The following CLDN10 variants were observed in gnomAD, a reference collection of about 807,000 sequenced individuals.
CLDN10 encodes claudin-10.
In CLDN10, 15 loss-of-function variants were observed where a neutral mutation model predicts 22.9. The ratio of observed to expected loss-of-function variants is 0.65; its 90% CI spans 0.44 to 1.01. The LOEUF is 1.01. Ranked by LOEUF, CLDN10 falls within the 50% of genes least tolerant of loss-of-function variation. CLDN10 has a pLI of 0.00. For synonymous variants in CLDN10, 114 were observed against 111.4 expected, an observed-to-expected ratio of 1.02 and a Z score of -0.15; for missense variants, 247 against 287.8, an observed-to-expected ratio of 0.86 and a Z score of 1.03.
chr13:95,435,258 A>C (rs914864924), intron 1 of CLDN10, among the ~76,000 whole-genome samples: 40 of 152,326 alleles, frequency 2.6e-4, no homozygotes, highest in African/African-American at 8.9e-4. Context: ...TTACTTTAAA[A>C]ATTGCTCTTT....
intron 1 of CLDN10, among the ~76,000 whole-genome samples, chr13:95,470,033 T>G (rs2042615519): frequency 6.6e-6 from 1 of 152,192 alleles, no homozygotes; most frequent in African/African-American, 2.4e-5. Flanking sequence ...TGTTCATGTA[T>G]CTCATTCAAT....
intron 1 of CLDN10, among the ~76,000 whole-genome samples, chr13:95,535,828 G>A (rs545235657): frequency 6.6e-6 from 1 of 152,290 alleles, no homozygotes; most frequent in South Asian, 2.1e-4. Flanking sequence ...AACAGGCAGA[G>A]AAATCTAGGC....
At chr13:95,576,139 G>C (rs1447874608) in intron 3 of CLDN10, among the ~76,000 whole-genome samples, 2 of 152,182 alleles carry the variant, frequency 1.3e-5, no homozygotes, top group Non-Finnish European at 2.9e-5. Flanking sequence ...AACCCAGGCA[G>C]CACTGGGTGG....
chr13:95,452,584 G>A (rs1319993211), intron 1 of CLDN10, among the ~76,000 whole-genome samples: 1 of 152,148 alleles, frequency 6.6e-6, no homozygotes, highest in African/African-American at 2.4e-5. Context: ...AAAAGTGACT[G>A]GGTCGTGTGG....
At chr13:95,540,503 A>G (rs2043449425) in intron 1 of CLDN10, among the ~76,000 whole-genome samples, 1 of 152,146 alleles carries the variant, frequency 6.6e-6, no homozygotes, top group Non-Finnish European at 1.5e-5. Flanking sequence ...TGTCTCAAAA[A>G]AAAAGCTTAC....
upstream of CLDN10, among the ~76,000 whole-genome samples, chr13:95,547,724 T>G (rs982377653): frequency 6.6e-6 from 1 of 152,196 alleles, no homozygotes; most frequent in Non-Finnish European, 1.5e-5. Flanking sequence ...CCGCTATATC[T>G]CCCTGACTCT....
rs1369038016 is a variant in CLDN10, at chr13:95,528,995, G to A, written c.215-31137G>A. Among the ~76,000 whole-genome samples, 3 of 152,052 alleles carry A rather than the reference G, an allele frequency of 2.0e-5. No homozygotes were observed. The East Asian group carries it at 5.8e-4, about 29-fold the overall frequency. ...AACTGAGTGATGGCCAATCAAGGGT[G>A]TTTTGTTTCTTTCTGAAACAAAGCT... On this transcript the variant is annotated intron_variant, in intron 1 of 4. Coordinates refer to the CLDN10 transcript ENST00000376873.
chr13:95,496,099 G>A (rs534626670), intron 1 of CLDN10, among the ~76,000 whole-genome samples: 34 of 152,236 alleles, frequency 2.2e-4, no homozygotes, highest in African/African-American at 7.5e-4. Flanking sequence ...TGTTGGATAC[G>A]GCCCTTTGCC....
At chr13:95,466,850 GT>G (rs2042585342) in intron 1 of CLDN10, among the ~76,000 whole-genome samples, 1 of 148,880 alleles carries the variant, frequency 6.7e-6, no homozygotes. Flanking sequence ...CACATGACCA[GT>G]TTTGTTTCCT....
chr13:95,495,209 T>C (rs185584255), intron 1 of CLDN10, among the ~76,000 whole-genome samples: 2 of 151,864 alleles, frequency 1.3e-5, no homozygotes, highest in African/African-American at 2.4e-5. Flanking sequence ...CTAATTTTTG[T>C]ATTTTTTTGT....
chr13:95,455,058 T>A (rs1181255736), intron 1 of CLDN10, among the ~76,000 whole-genome samples: 1 of 152,084 alleles, frequency 6.6e-6, no homozygotes, highest in African/African-American at 2.4e-5. Flanking sequence ...ACAACTGTAA[T>A]CCCAGCTACT....
At chr13:95,492,366 A>G (rs1466585906) in intron 1 of CLDN10, among the ~76,000 whole-genome samples, 1 of 151,764 alleles carries the variant, frequency 6.6e-6, no homozygotes, top group South Asian at 2.1e-4. Context: ...TGGGGGTGGG[A>G]TTCCTAGGTC....
At chr13:95,480,941 G>A (rs781095592) in intron 1 of CLDN10, among the ~76,000 whole-genome samples, 2 of 152,194 alleles carry the variant, frequency 1.3e-5, no homozygotes, top group African/African-American at 2.4e-5. Flanking sequence ...AAGGTAATGG[G>A]ACAGCAAGAG....
chr13:95,549,501 C>G (rs551005169), upstream of CLDN10, among the ~76,000 whole-genome samples: 3 of 152,144 alleles, frequency 2.0e-5, no homozygotes, highest in Non-Finnish European at 4.4e-5. Flanking sequence ...AGATTATATG[C>G]TACTCCATAA....
intron 1 of CLDN10, among the ~76,000 whole-genome samples, chr13:95,517,368 C>T (rs1016901460): frequency 2.0e-5 from 3 of 152,038 alleles, no homozygotes; most frequent in Non-Finnish European, 2.9e-5. Flanking sequence ...AGACACCCCC[C>T]GAACCTAGGG....
chr13:95,517,520 T>C (rs2043182097), intron 1 of CLDN10, among the ~76,000 whole-genome samples: 1 of 152,234 alleles, frequency 6.6e-6, no homozygotes, highest in Non-Finnish European at 1.5e-5. Context: ...GTCAAGGATA[T>C]GGATACACTT....
intron 1 of CLDN10, among the ~76,000 whole-genome samples, chr13:95,503,516 G>C (rs564843162): frequency 3.3e-5 from 5 of 152,234 alleles, no homozygotes; most frequent in African/African-American, 1.2e-4. Context: ...TGGAAAGCAA[G>C]ATCTCAAAGA....
chr13:95,546,907 A>C (rs1330462985), intron 1 of CLDN10, among the ~76,000 whole-genome samples: 5 of 151,844 alleles, frequency 3.3e-5, no homozygotes, highest in Non-Finnish European at 7.4e-5. Flanking sequence ...TTCTCTTTGC[A>C]GTTTCTGTTC....
At chr13:95,492,885 C>T (rs1477246608) in intron 1 of CLDN10, among the ~76,000 whole-genome samples, 9 of 152,162 alleles carry the variant, frequency 5.9e-5, no homozygotes, top group Non-Finnish European at 1.5e-5. Flanking sequence ...GCTCAGCTCT[C>T]TAACTTGACT....
Sources: gnomAD v4.1 joint callset for allele counts (sites outside exome capture counted in the v4.1 genomes callset) on GRCh38, gnomAD v4.1.1 for gene constraint, MANE v1.5 for transcripts, NCBI Gene and HGNC (gene_info 2026-07-23, HGNC 2026-07-21) for gene names.